Variants in CHRNG observed in about 807,000 individuals in gnomAD.
The protein encoded by CHRNG is acetylcholine receptor subunit gamma.
CHRNG carries 72 observed loss-of-function variants against 65.2 expected under a neutral mutation model. The observed-to-expected ratio is 1.10, with a 90% CI of 0.91 to 1.34. CHRNG has a LOEUF of 1.34. Among genes scored for constraint, CHRNG ranks in the 40% most tolerant of loss-of-function variants. The pLI, the probability that CHRNG is intolerant of heterozygous loss-of-function variation, is 0.00. For synonymous variants in CHRNG, 284 were observed against 290.2 expected, an observed-to-expected ratio of 0.98 and a Z score of 0.22; for missense variants, 637 against 680.1, an observed-to-expected ratio of 0.94 and a Z score of 0.70.
intron 6 of CHRNG, 139 bp from the exon 7 acceptor site, chr2:232,542,743 C>T (rs1241664438): frequency 3.9e-6 from 3 of 771,402 alleles, no homozygotes; most frequent in Admixed American, 4.1e-5. Flanking sequence ...TCTCCCACCC[C>T]ACTTCTGTCC....
At chr2:232,542,373 G>T (rs192576889) in intron 5 of CHRNG, 50 bp from the exon 6 acceptor site, 1 of 1,256,104 alleles carries the variant, frequency 8.0e-7, no homozygotes, top group Admixed American at 1.8e-5. Flanking sequence ...CCATGCAGTC[G>T]TGGCAGGTCC....
In CHRNG at chr2:232,545,753, A is replaced by C. The variant is rs758181611; in HGVS notation, c.*37A>C. 2.5e-6 allele frequency: 4 copies of C among 1,607,874 alleles called. No homozygotes were observed. Among genetic ancestry groups the C allele is most frequent in the Non-Finnish European group, 3.4e-6 (4 of 1,174,832 alleles). ...ACTGTGGGGCATGTGGGAGTCACAC[A>C]CGTGGGTCACACTGAGTCTTATCAG... On this transcript the variant is annotated 3_prime_UTR_variant, in exon 12 of 12. Transcript: ENST00000651502.
At chr2:232,544,703 G>A (rs1692091511) in intron 10 of CHRNG, 69 bp from the exon 11 acceptor site, 3 of 1,597,252 alleles carry the variant, frequency 1.9e-6, no homozygotes, top group Middle Eastern at 1.8e-4. Context: ...GGGTCCCTAA[G>A]GAGAGGCCAT....
chr2:232,541,952 T>TGG lies in CHRNG; in HGVS notation c.506+427_506+428dup. ...AGCATGTATGCAACCAAGCCACCCC[T>TGG]GGGGGTCTCTGGGTCTGTTTCCTCA... On this transcript the variant is annotated intron_variant, in intron 5 of 11. Coordinates refer to ENST00000651502, the MANE Select transcript of CHRNG (RefSeq NM_005199.5). This position sits in a 1 kb window ranked among gnomAD's most constrained non-coding sequence, Gnocchi z 4.0. 1 of 330,512 alleles carries TGG rather than the reference T, an allele frequency of 3.0e-6. No individual in the cohort carries two copies. The highest frequency in any genetic ancestry group is 5.8e-6 in the Non-Finnish European group (1 of 173,356). 20.5% of individuals were successfully genotyped at this position (330,512 alleles called of 1,614,324 possible).
At chr2:232,542,375 G>A in intron 5 of CHRNG, 48 bp from the exon 6 acceptor site, 1 of 1,288,912 alleles carries the variant, frequency 7.8e-7, no homozygotes, top group Non-Finnish European at 1.1e-6. Flanking sequence ...ATGCAGTCGT[G>A]GCAGGTCCAC....
intron 6 of CHRNG, 23 bp downstream of exon 6, chr2:232,542,543 C>T (rs767238885): frequency 6.5e-7 from 1 of 1,538,608 alleles, no homozygotes; most frequent in Non-Finnish European, 9.0e-7. Context: ...CAAGGGCTCC[C>T]CAGGCAGCCT....
chr2:232,541,809 A>G lies in CHRNG; in HGVS notation c.506+280A>G, dbSNP rs566264081. The G allele has an allele frequency of 5.5e-6, 3 of 540,732 alleles. No homozygotes were observed. The South Asian group carries it at 6.1e-5, about 11-fold the overall frequency. The allele number at this position is 540,732 out of a possible 1,614,324, so 33.5% of individuals were successfully genotyped here. A position where few individuals can be genotyped will look rare whatever the true frequency, so the allele number is the denominator to read the frequency against. ...TCACGCCTGGGGTGCGTGGGTGAGAAGGCACACATGCACACAAGATGCGTG... is the reference window on the plus strand; with the variant it reads ...TCACGCCTGGGGTGCGTGGGTGAGAGGGCACACATGCACACAAGATGCGTG... On this transcript the variant is annotated intron_variant, in intron 5 of 11. Transcript: ENST00000651502. This position sits in a 1 kb window ranked among gnomAD's most constrained non-coding sequence, Gnocchi z 4.0.
rs1574642867 is a variant in CHRNG at position 232,539,998 on chromosome 2, A to G, written c.62A>G (p.Gln21Arg). 6.2e-7 allele frequency: 1 copy of G among 1,614,156 alleles called. No individual in the cohort carries two copies. The highest frequency in any genetic ancestry group is 1.7e-5 in the Admixed American group (1 of 60,032). Residue 21 changes from glutamine to arginine, a missense_variant, in exon 2 of 12, where the codon CAG (glutamine) becomes CGG (arginine). Transcript: ENST00000651502. The stretch of plus-strand genomic sequence containing the variant: ...TCACGCCTGTCTATTGCAGGGGCCC[A>G]GGGCCGGAACCAGGAGGAGCGCCTG... ...LLLLAVCLGA[Q>R]GRNQEERLLA... is the part of the protein sequence containing the mutation.
At chr2:232,545,408 T>G (rs529796860) in intron 11 of CHRNG, 135 bp from the exon 12 acceptor site, 13 of 817,900 alleles carry the variant, frequency 1.6e-5, no homozygotes, top group Admixed American at 6.0e-5. Context: ...TAGCCACCAG[T>G]TGGGACCCGG....
At chr2:232,544,275 A>G (rs1201673515) in intron 9 of CHRNG, 92 bp from the exon 10 acceptor site, 7 of 962,876 alleles carry the variant, frequency 7.3e-6, no homozygotes, top group East Asian at 2.4e-5. Flanking sequence ...TGCTGCCTCC[A>G]TGGTCCCTAG....
Position 232,539,903 on chromosome 2 carries a change from A to G in CHRNG, c.56-89A>G. On this transcript the variant is annotated intron_variant, in intron 1 of 11. Coordinates refer to ENST00000651502, the MANE Select transcript of CHRNG (RefSeq NM_005199.5). ...GGGTATTGGGGCCTGCCCTGGACCC[A>G]GTTCCCTGAGTCCCCACTTCACACC... The G allele has an allele frequency of 1.9e-6, 3 of 1,609,802 alleles. No homozygotes were observed. The South Asian group carries it at 3.3e-5, about 18-fold the overall frequency.
Position 232,541,474 on chromosome 2 carries a change from T to A in CHRNG, c.451T>A (p.Ser151Thr), listed in dbSNP as rs1481569396. The A allele has an allele frequency of 1.2e-6, 2 of 1,614,036 alleles. No homozygotes were observed. The highest frequency in any genetic ancestry group is 2.7e-5 in the African/African-American group (2 of 74,930). ...GCCTGCCATCTTCCGTTCCGCCTGC[T>A]CTATCTCAGTCACCTACTTCCCCTT... The part of the protein sequence containing the change: ...LPPAIFRSAC[S>T]ISVTYFPFDW... The change falls in exon 5 of 12, where the codon TCT (serine) becomes ACT (threonine). Residue 151 changes from serine to threonine, a missense_variant. Coordinates refer to ENST00000651502, the MANE Select transcript of CHRNG (RefSeq NM_005199.5). This position sits in a 1 kb window ranked among gnomAD's most constrained non-coding sequence, Gnocchi z 4.0.
rs1692155904 is a variant in CHRNG, at chr2:232,547,649, G to C, written c.*1933G>C. 6.6e-6 allele frequency among the ~76,000 whole-genome samples: 1 copy of C among 152,204 alleles called. No homozygotes were observed. The highest frequency in any genetic ancestry group is 1.5e-5 in the Non-Finnish European group (1 of 68,036). On this transcript the variant is annotated 3_prime_UTR_variant, in exon 12 of 12. Transcript: ENST00000651502. ...AAGCAAGAGCAGAGTCAGAGCTATA[G>C]AGAACTAGAGGAGTTAGGGAGAGTG...
At position 232,545,888 on chromosome 2, in the gene CHRNG, CGA is replaced by C; in HGVS notation, c.*176_*177del. On this transcript the variant is annotated 3_prime_UTR_variant, in exon 12 of 12. Transcript: ENST00000651502. ...TGGGGAAACAGTCTGAGCTGGAGTCCGAGAGTGGTTGGGGGTGGGCCGTGGCT... is the reference window on the plus strand; with the variant it reads ...TGGGGAAACAGTCTGAGCTGGAGTCCGAGTGGTTGGGGGTGGGCCGTGGCT... 2.5e-6 allele frequency: 2 copies of C among 788,250 alleles called. No individual in the cohort carries two copies. The highest frequency in any genetic ancestry group is 1.7e-5 in the African/African-American group (1 of 58,986). 48.8% of individuals were successfully genotyped at this position (788,250 alleles called of 1,614,324 possible). A position where few individuals can be genotyped will look rare whatever the true frequency, so the allele number is the denominator to read the frequency against.
At chr2:232,543,244 C>T (rs923349265) in intron 7 of CHRNG, 31 bp from the exon 8 acceptor site, 3 of 1,594,240 alleles carry the variant, frequency 1.9e-6, no homozygotes, top group South Asian at 2.2e-5. Context: ...GAGGTAGGAA[C>T]CTGCTCTGAG....
intron 6 of CHRNG, 64 bp from the exon 7 acceptor site, chr2:232,542,818 G>A (rs561484280): frequency 4.0e-5 from 58 of 1,453,738 alleles, no homozygotes; most frequent in Admixed American, 3.1e-4. Context: ...TGGGTCACTC[G>A]GCTGCAGGGA....
At position 232,547,095 on chromosome 2, in the gene CHRNG, T is replaced by C. The variant is rs535237992; in HGVS notation, c.*1379T>C. ...CTCCCTGAGGCTGTTCCCTCATCTG[T>C]AAATAAGGTGCAAAAAATAATCCAT... On this transcript the variant is annotated 3_prime_UTR_variant, in exon 12 of 12. Transcript: ENST00000651502. Among the ~76,000 whole-genome samples the C allele has an allele frequency of 3.1e-4, 47 of 152,130 alleles. No individual in the cohort carries two copies. The highest frequency in any genetic ancestry group is 7.7e-4 in the East Asian group (4 of 5,164).
In CHRNG at chr2:232,540,494, G is replaced by C; in HGVS notation, c.240+69G>C. The C allele has an allele frequency of 6.2e-7, 1 of 1,605,332 alleles. No homozygotes were observed. The highest frequency in any genetic ancestry group is 8.5e-7 in the Non-Finnish European group (1 of 1,175,920). On this transcript the variant is annotated intron_variant, in intron 3 of 11. Transcript: ENST00000651502. This position sits in a 1 kb window ranked among gnomAD's most constrained non-coding sequence, Gnocchi z 4.2. The stretch of plus-strand genomic sequence containing the variant: ...CCCACCACCCCAAGGCCTCCTGAGA[G>C]TTGCCTGCCCCGTTCCTGCCTCTTC...
At position 232,544,484 on chromosome 2, in the gene CHRNG, A is replaced by G. The variant is rs750718050; in HGVS notation, c.1153A>G (p.Thr385Ala). The G allele has an allele frequency of 2.5e-6, 4 of 1,613,704 alleles. No individual in the cohort carries two copies. The East Asian group carries it at 8.9e-5, about 36-fold the overall frequency. The change falls in exon 10 of 12, where the codon ACT (threonine) becomes GCT (alanine). Residue 385 changes from threonine (T) to alanine (A), a missense_variant. Transcript: ENST00000651502. Reference sequence around the variant, plus strand: ...TGGCTCCTCGGGATGGTCGATCACAACTGGGGAGGAGGTGGCCCTCTGCCT... The same window carrying G: ...TGGCTCCTCGGGATGGTCGATCACAGCTGGGGAGGAGGTGGCCCTCTGCCT... ...QNGSSGWSIT[T>A]GEEVALCLPR...
Sources: gnomAD v4.1 joint callset for allele counts (sites outside exome capture counted in the v4.1 genomes callset) on GRCh38, gnomAD v4.1.1 for gene constraint, Gnocchi (gnomAD v3.1) non-coding constraint, MANE v1.5 for transcripts, NCBI Gene and HGNC (gene_info 2026-07-23, HGNC 2026-07-21) for gene names.